The following GRM5 variants were observed in gnomAD, a reference collection of about 807,000 sequenced individuals.
GRM5 encodes the protein metabotropic glutamate receptor 5.
Under a neutral mutation model 83.1 loss-of-function variants are expected in GRM5, and 19 were observed. The observed-to-expected ratio is 0.23, with a 90% CI of 0.16 to 0.34. The LOEUF is 0.34. Among genes scored for constraint, GRM5 ranks in the 10% least tolerant of loss-of-function variants. The pLI is 1.00. For missense variants in GRM5, 1,160 were observed against 1,588.3 expected (o/e 0.73, Z 4.58); for synonymous variants, 675 against 633.6 (o/e 1.07, Z -0.98).
At chr11:88,966,712 A>G (rs1938977408) in intron 2 of GRM5, among the ~76,000 whole-genome samples, 1 of 152,162 alleles carries the variant, frequency 6.6e-6, no homozygotes, top group Admixed American at 6.6e-5. Context: ...CCTCAAGTTC[A>G]TGGACTTCAA....
At chr11:88,557,674 G>T (rs1456081116) in intron 8 of GRM5, among the ~76,000 whole-genome samples, 3 of 151,212 alleles carry the variant, frequency 2.0e-5, no homozygotes, top group African/African-American at 7.3e-5. Flanking sequence ...ACACCATGTT[G>T]TTTCATACTT....
intron 3 of GRM5, among the ~76,000 whole-genome samples, chr11:88,735,679 T>A (rs1339824599): frequency 6.6e-6 from 1 of 152,086 alleles, no homozygotes; most frequent in Non-Finnish European, 1.5e-5. Flanking sequence ...TCTGTCTGTG[T>A]ATTCTGTCTT....
intron 3 of GRM5, among the ~76,000 whole-genome samples, chr11:88,810,714 G>A (rs1391675228): frequency 6.6e-6 from 1 of 152,100 alleles, no homozygotes; most frequent in Admixed American, 6.6e-5. Flanking sequence ...AATATTCAAA[G>A]TTAAATTAAT....
At chr11:89,043,122 A>G (rs1941568570) in intron 2 of GRM5, among the ~76,000 whole-genome samples, 1 of 152,162 alleles carries the variant, frequency 6.6e-6, no homozygotes, top group African/African-American at 2.4e-5. Flanking sequence ...AGTGCCTGCT[A>G]TTTATCCACA....
chr11:88,876,961 C>T (rs187532657), intron 2 of GRM5, among the ~76,000 whole-genome samples: 5 of 152,054 alleles, frequency 3.3e-5, no homozygotes, highest in African/African-American at 7.2e-5. Context: ...AAAGAAGTCA[C>T]GCACCTAAGG....
intron 3 of GRM5, among the ~76,000 whole-genome samples, chr11:88,815,883 C>G (rs6483480): frequency 0.99 from 150,066 of 152,246 alleles, 73,987 homozygotes; most frequent in East Asian, 1. Context: ...CAGAGAAAAA[C>G]GTCACAAATC....
chr11:88,797,498 T>C (rs1943304009), intron 3 of GRM5, among the ~76,000 whole-genome samples: 1 of 152,218 alleles, frequency 6.6e-6, no homozygotes, highest in African/African-American at 2.4e-5. Flanking sequence ...ATGCCAGATA[T>C]AATAAGCATA....
chr11:88,905,443 A>C (rs1386776094), intron 2 of GRM5, among the ~76,000 whole-genome samples: 1 of 152,122 alleles, frequency 6.6e-6, no homozygotes, highest in Non-Finnish European at 1.5e-5. Flanking sequence ...TCCCGGGTTC[A>C]AGTGATTCTC....
At chr11:88,838,910 C>CAT (rs1409986813) in intron 3 of GRM5, among the ~76,000 whole-genome samples, 2 of 151,328 alleles carry the variant, frequency 1.3e-5, no homozygotes, top group African/African-American at 4.9e-5. Flanking sequence ...CACACATACA[C>CAT]ACACAAACTT....
At chr11:88,671,769 G>A (rs1029938006) in intron 3 of GRM5, among the ~76,000 whole-genome samples, 2 of 152,062 alleles carry the variant, frequency 1.3e-5, no homozygotes, top group African/African-American at 4.8e-5. Context: ...TGAAGAGTGT[G>A]TTAGACTTGG....
intron 4 of GRM5, among the ~76,000 whole-genome samples, chr11:88,613,842 C>T (rs1370203710): frequency 6.6e-6 from 1 of 152,108 alleles, no homozygotes; most frequent in Non-Finnish European, 1.5e-5. Flanking sequence ...TTTCTCTAGA[C>T]CTCTCTCTGA....
chr11:88,803,747 C>A (rs936014903), intron 3 of GRM5, among the ~76,000 whole-genome samples: 1 of 151,720 alleles, frequency 6.6e-6, no homozygotes, highest in Non-Finnish European at 1.5e-5. Context: ...AGTGAACAGG[C>A]AACCTACAAA....
At chr11:88,831,370 A>G (rs1943990808) in intron 3 of GRM5, among the ~76,000 whole-genome samples, 1 of 151,976 alleles carries the variant, frequency 6.6e-6, no homozygotes, top group Admixed American at 6.6e-5. Flanking sequence ...TAAAGATTGA[A>G]CTCCCAGCCT....
chr11:88,771,420 C>A (rs1942734241), intron 3 of GRM5, among the ~76,000 whole-genome samples: 1 of 152,140 alleles, frequency 6.6e-6, no homozygotes, highest in Non-Finnish European at 1.5e-5. Flanking sequence ...GAGTCCCTAG[C>A]AACCCACTGG....
At chr11:88,850,791 G>C (rs1399320392) in intron 2 of GRM5, among the ~76,000 whole-genome samples, 1 of 151,930 alleles carries the variant, frequency 6.6e-6, no homozygotes, top group Non-Finnish European at 1.5e-5. Context: ...TACAACCATG[G>C]GGAAGTTATT....
At chr11:88,882,631 C>G (rs941869768) in intron 2 of GRM5, among the ~76,000 whole-genome samples, 3 of 151,370 alleles carry the variant, frequency 2.0e-5, no homozygotes, top group Non-Finnish European at 4.4e-5. Context: ...TGTGTGGAGA[C>G]TACAATTTAT....
At chr11:89,019,175 G>T (rs551782314) in intron 2 of GRM5, among the ~76,000 whole-genome samples, 95 of 152,236 alleles carry the variant, frequency 6.2e-4, no homozygotes, top group African/African-American at 2.2e-3. Flanking sequence ...CTTCCATTGG[G>T]ATTTGTCTGA....
chr11:88,777,307 C>G (rs373860093), intron 3 of GRM5, among the ~76,000 whole-genome samples: 19 of 152,156 alleles, frequency 1.2e-4, no homozygotes, highest in African/African-American at 4.6e-4. Context: ...AAGGTCTTCT[C>G]TATGCTGTTT....
At chr11:88,992,496 A>T (rs1439080527) in intron 2 of GRM5, among the ~76,000 whole-genome samples, 1 of 152,174 alleles carries the variant, frequency 6.6e-6, no homozygotes, top group African/African-American at 2.4e-5. Flanking sequence ...ATTCCATTTG[A>T]CCCAGCCAAC....
Sources: allele counts gnomAD v4.1 joint callset (sites outside exome capture counted in the v4.1 genomes callset), GRCh38; gene constraint gnomAD v4.1.1; transcripts MANE v1.5; gene names NCBI Gene and HGNC (gene_info 2026-07-23, HGNC 2026-07-21).